Variants in DCUN1D2 observed in about 807,000 individuals in gnomAD.
The protein encoded by DCUN1D2 is DCN1-like protein 2.
DCUN1D2 carries 29 observed loss-of-function variants against 30.9 expected under a neutral mutation model. The ratio of observed to expected loss-of-function variants is 0.94; its 90% CI spans 0.70 to 1.28. The LOEUF (loss-of-function observed/expected upper bound fraction) is 1.28. DCUN1D2 is among the 50% of genes most tolerant of loss of function. DCUN1D2 has a pLI of 0.00. For missense variants in DCUN1D2, 325 were observed against 316.9 expected (o/e 1.03, Z -0.19); for synonymous variants, 121 against 115.3 (o/e 1.05, Z -0.32).
At position 113,479,725 on chromosome 13, in the gene DCUN1D2, AAAACAAAC is replaced by A. The variant is rs199885745; in HGVS notation, c.389+842_389+849del. 3.9e-5 allele frequency among the ~76,000 whole-genome samples: 6 copies of A among 152,230 alleles called. No individual in the cohort carries two copies. The South Asian group carries it at 8.3e-4, about 21-fold the overall frequency. ...GTGACAGAGTAAGACTCCATCTCAA[AAAACAAAC>A]AAACAAACAAACAAGTAGGAGTACA... On this transcript the variant is annotated intron_variant, in intron 3 of 6. Transcript: ENST00000478244.
rs1367794239 is a variant in DCUN1D2 at position 113,457,342 on chromosome 13, C to T, written c.*687G>A. The T allele has an allele frequency of 1.3e-5, 2 of 152,180 alleles. No individual in the cohort carries two copies. Among genetic ancestry groups the T allele is most frequent in the Non-Finnish European group, 2.9e-5 (2 of 68,010 alleles). 9.4% of individuals were successfully genotyped at this position (152,180 alleles called of 1,614,324 possible). On this transcript the variant is annotated 3_prime_UTR_variant, in exon 7 of 7. Transcript: ENST00000478244. ...TAAGAGAGGCCCAGTGATATATAAACGGTGTGAGATAAACTCTGCTGGAAT... is the reference window on the plus strand; with the variant it reads ...TAAGAGAGGCCCAGTGATATATAAATGGTGTGAGATAAACTCTGCTGGAAT...
intron 3 of DCUN1D2, among the ~76,000 whole-genome samples, chr13:113,474,906 G>C (rs1457676303): frequency 6.6e-6 from 1 of 152,122 alleles, no homozygotes; most frequent in African/African-American, 2.4e-5. Flanking sequence ...AAATATCCAG[G>C]TATTGTAAAA....
At chr13:113,480,880 C>A in intron 2 of DCUN1D2, 137 bp from the exon 3 acceptor site, 1 of 710,796 alleles carries the variant, frequency 1.4e-6, no homozygotes. Flanking sequence ...CAATAGGCTG[C>A]AGTTTTCTAC....
At chr13:113,474,351 C>A in intron 3 of DCUN1D2, 97 bp from the exon 4 acceptor site, 1 of 1,495,374 alleles carries the variant, frequency 6.7e-7, no homozygotes. Flanking sequence ...GCACGCAGCT[C>A]CAGCTGGAGA....
chr13:113,467,138 C>T (rs1196919032), intron 4 of DCUN1D2, among the ~76,000 whole-genome samples: 1 of 151,858 alleles, frequency 6.6e-6, no homozygotes, highest in Non-Finnish European at 1.5e-5. Flanking sequence ...TCGTTTTTTC[C>T]CCCACACAAT....
intron 3 of DCUN1D2, chr13:113,475,565 G>C (rs1185994129): frequency 6.6e-6 from 1 of 152,292 alleles, no homozygotes; most frequent in South Asian, 2.1e-4. Context: ...CTGCAGATGA[G>C]GGTGAGCGTA....
chr13:113,472,180 C>A (rs532578578), intron 4 of DCUN1D2, among the ~76,000 whole-genome samples: 4 of 151,888 alleles, frequency 2.6e-5, no homozygotes. Flanking sequence ...CACCTGTGCC[C>A]GTGAGAACCA....
At position 113,490,523 on chromosome 13, in the gene DCUN1D2, C is replaced by T. The variant is rs1320748609; in HGVS notation, c.3+144G>A. 3 of 884,708 alleles carry T rather than the reference C, an allele frequency of 3.4e-6. No homozygotes were observed. Among genetic ancestry groups the T allele is most frequent in the Non-Finnish European group, 4.5e-6 (3 of 671,024 alleles). The allele number at this position is 884,708 out of a possible 1,614,324, so 54.8% of individuals were successfully genotyped here. ...ACCGCTCCGGCTCGCGGGCCCGCGG[C>T]GCGTTCCTCCCTCGGATCCACGCGG... On this transcript the variant is annotated intron_variant, in intron 1 of 6. Transcript: ENST00000478244. The surrounding 1 kb of genome is among the most constrained non-coding windows in gnomAD (Gnocchi z 5.2).
At chr13:113,481,463 A>T (rs1195977290) in intron 2 of DCUN1D2, among the ~76,000 whole-genome samples, 1 of 152,254 alleles carries the variant, frequency 6.6e-6, no homozygotes, top group East Asian at 1.9e-4. Context: ...TTTAGAAGGT[A>T]AAAGTAGAAA....
chr13:113,468,972 G>A (rs1359905213), intron 4 of DCUN1D2: 2 of 152,516 alleles, frequency 1.3e-5, no homozygotes, highest in African/African-American at 2.4e-5. Context: ...CGAGCCTGAA[G>A]TAGGCTGTGG....
chr13:113,464,547 T>C (rs1283982433), intron 4 of DCUN1D2, among the ~76,000 whole-genome samples: 1 of 152,236 alleles, frequency 6.6e-6, no homozygotes, highest in African/African-American at 2.4e-5. Context: ...TACCATGGAA[T>C]GAAGTGGTGG....
chr13:113,463,524 C>A (rs2044351975), intron 4 of DCUN1D2, among the ~76,000 whole-genome samples: 1 of 151,154 alleles, frequency 6.6e-6, no homozygotes, highest in South Asian at 2.1e-4. Context: ...AGACCCTCAC[C>A]TCTTTAAAAA....
chr13:113,466,053 T>C (rs1484512524), intron 4 of DCUN1D2, among the ~76,000 whole-genome samples: 1 of 152,126 alleles, frequency 6.6e-6, no homozygotes, highest in East Asian at 1.9e-4. Context: ...ACTCAGCTAA[T>C]TTTTTGTATT....
intron 3 of DCUN1D2, among the ~76,000 whole-genome samples, chr13:113,475,585 C>T (rs2044602442): frequency 6.6e-6 from 1 of 152,212 alleles, no homozygotes; most frequent in South Asian, 2.1e-4. Flanking sequence ...AAGCACCATC[C>T]ACATCAAGGG....
chr13:113,482,899 T>C (rs965508614), intron 2 of DCUN1D2, among the ~76,000 whole-genome samples: 4 of 151,946 alleles, frequency 2.6e-5, no homozygotes, highest in African/African-American at 9.7e-5. Flanking sequence ...GCCGAGATCA[T>C]ACCACTGCAC....
At chr13:113,464,753 G>A (rs944493451) in intron 4 of DCUN1D2, among the ~76,000 whole-genome samples, 1 of 152,258 alleles carries the variant, frequency 6.6e-6, no homozygotes, top group Non-Finnish European at 1.5e-5. Context: ...CCACTCAGCA[G>A]AATCTGCCCA....
At position 113,490,161 on chromosome 13, in the gene DCUN1D2, G is replaced by A. The variant is rs111327979; in HGVS notation, c.3+506C>T. 5.4e-4 allele frequency among the ~76,000 whole-genome samples: 82 copies of A among 152,308 alleles called. No homozygotes were observed. Among genetic ancestry groups the A allele is most frequent in the African/African-American group, 1.9e-3 (80 of 41,566 alleles). On this transcript the variant is annotated intron_variant, in intron 1 of 6. Transcript: ENST00000478244. This position sits in a 1 kb window ranked among gnomAD's most constrained non-coding sequence, Gnocchi z 5.2. ...AGCCACGCTACAGCTCCCGGCTAGA[G>A]CCCGCGCTAGGGCCCCGCTGTGCCT...
At chr13:113,487,462 CCA>C (rs2044825988) in intron 1 of DCUN1D2, among the ~76,000 whole-genome samples, 1 of 152,210 alleles carries the variant, frequency 6.6e-6, no homozygotes, top group Non-Finnish European at 1.5e-5. Context: ...GCACAAGAAG[CCA>C]CACAGTGTAT....
chr13:113,466,767 T>G (rs985388573), intron 4 of DCUN1D2, among the ~76,000 whole-genome samples: 1 of 151,912 alleles, frequency 6.6e-6, no homozygotes, highest in Admixed American at 6.6e-5. Flanking sequence ...TGGCATATTG[T>G]TAAAGAATCC....
Sources: allele counts gnomAD v4.1 joint callset (sites outside exome capture counted in the v4.1 genomes callset), GRCh38; gene constraint gnomAD v4.1.1; non-coding constraint Gnocchi (gnomAD v3.1); transcripts MANE v1.5; gene names NCBI Gene and HGNC (gene_info 2026-07-23, HGNC 2026-07-21).